GGA3: variants seen among roughly 807,000 people sequenced by gnomAD.
GGA3 encodes the protein golgi associated, gamma adaptin ear containing, ARF binding protein 3.
Under a neutral mutation model 77.5 loss-of-function variants are expected in GGA3, and 57 were observed. The observed-to-expected ratio is 0.74, with a 90% CI of 0.59 to 0.92. The LOEUF is 0.92. GGA3 is among the 40% of genes least tolerant of loss of function. The pLI, the probability that GGA3 is intolerant of heterozygous loss-of-function variation, is 0.00. For missense variants in GGA3, 970 were observed against 914.9 expected, an observed-to-expected ratio of 1.06 and a Z score of -0.78; for synonymous variants, 416 against 383.7, an observed-to-expected ratio of 1.08 and a Z score of -0.98.
Position 75,261,595 on chromosome 17 carries a change from C to A in GGA3, c.-8G>T. The stretch of plus-strand genomic sequence containing the variant: ...CCCTTCCGCCTCCGCCATATTGCAG[C>A]CGCCCGGCCCCGCGGCTTCAAAACT... On this transcript the variant is annotated 5_prime_UTR_variant, in exon 1 of 17. Coordinates refer to ENST00000537686, the MANE Select transcript of GGA3 (RefSeq NM_138619.4). 1 of 1,541,000 alleles carries A rather than the reference C, an allele frequency of 6.5e-7. No homozygotes were observed. Among genetic ancestry groups the A allele is most frequent in the South Asian group, 1.2e-5 (1 of 82,068 alleles).
chr17:75,244,689 CCA>C lies in GGA3; in HGVS notation c.228_229del (p.Cys76TrpfsTer6). On this transcript the variant is annotated frameshift_variant, in exon 4 of 17. Transcript: ENST00000537686. LOFTEE classifies it high-confidence loss of function. Reference sequence around the variant, plus strand: ...CCCCACTTCGTTATGAAATCTCCTCCCACAGTTCTTCATGCATGCCTCCAGCA... The same window carrying C: ...CCCCACTTCGTTATGAAATCTCCTCCCAGTTCTTCATGCATGCCTCCAGCA... 5 of 1,613,936 alleles carry C rather than the reference CCA, an allele frequency of 3.1e-6. No individual in the cohort carries two copies. Among genetic ancestry groups the C allele is most frequent in the Non-Finnish European group, 4.2e-6 (5 of 1,179,798 alleles).
chr17:75,259,046 C>T (rs1446924502), intron 1 of GGA3, among the ~76,000 whole-genome samples: 2 of 151,268 alleles, frequency 1.3e-5, no homozygotes, highest in Non-Finnish European at 1.5e-5. Context: ...CTCCACCTCT[C>T]GGGTTCACAC....
rs762329460 is a variant in GGA3, at chr17:75,240,934, G to C, written c.1070C>G (p.Pro357Arg). ...TPPSSGIPIL[P>R]PPPQASGPPR... The stretch of plus-strand genomic sequence containing the variant: ...AGGTCCTGAGGCCTGGGGTGGTGGA[G>C]GGAGGATTGGGATGCCTGAGGAGGG... Residue 357 changes from proline to arginine, a missense_variant, in exon 11 of 17, where the codon CCT (proline) becomes CGT (arginine). By Grantham distance (103) the Pro-to-Arg change is moderately radical (BLOSUM62 -2). Transcript: ENST00000537686. The C allele has an allele frequency of 3.7e-6, 6 of 1,613,942 alleles. No individual in the cohort carries two copies. The highest frequency in any genetic ancestry group is 1.6e-4 in the Middle Eastern group (1 of 6,062).
chr17:75,247,653 T>C (rs1399099262), intron 1 of GGA3, among the ~76,000 whole-genome samples: 3 of 152,218 alleles, frequency 2.0e-5, no homozygotes, highest in East Asian at 1.9e-4. Flanking sequence ...ATGCTCATCA[T>C]TGTCAAGCCA....
rs1300245285 is a variant in GGA3 at position 75,237,155 on chromosome 17, CGGG to C, written c.*1121_*1123del. On this transcript the variant is annotated 3_prime_UTR_variant, in exon 17 of 17. Coordinates refer to ENST00000537686, the MANE Select transcript of GGA3 (RefSeq NM_138619.4). ...AGCTAGAGTGGCTGGGACAAGCTGG[CGGG>C]GGCCAAGCACTGTTGAAGCAATAGG... 4 of 408,188 alleles carry C rather than the reference CGGG, an allele frequency of 9.8e-6. No homozygotes were observed. Among genetic ancestry groups the C allele is most frequent in the Non-Finnish European group, 1.8e-5 (4 of 225,148 alleles). 25.3% of individuals were successfully genotyped at this position (408,188 alleles called of 1,614,324 possible).
chr17:75,239,215 G>T, intron 14 of GGA3, 132 bp from the exon 15 acceptor site: 1 of 983,274 alleles, frequency 1.0e-6, no homozygotes, highest in Non-Finnish European at 1.5e-6. Flanking sequence ...TGGGAGAGGC[G>T]CTCAGTGAGG....
rs146614755 is a variant in GGA3 at position 75,257,903 on chromosome 17, C to G, written c.40+3645G>C. Among the ~76,000 whole-genome samples the G allele has an allele frequency of 9.3e-3, 1,418 of 152,254 alleles. 13 individuals are homozygous for G. Among genetic ancestry groups the G allele is most frequent in the Non-Finnish European group, 0.016 (1,118 of 68,016 alleles). On this transcript the variant is annotated intron_variant, in intron 1 of 16. Coordinates refer to ENST00000537686, the MANE Select transcript of GGA3 (RefSeq NM_138619.4). ...GCCATCGCATCCCCTATGACTTGCA[C>G]GTACACATCCAGATGGCCTGACGTA...
rs970942667 is a variant in GGA3, at chr17:75,237,374, G to A, written c.*905C>T. 1 of 999,532 alleles carries A rather than the reference G, an allele frequency of 1.0e-6. No homozygotes were observed. The highest frequency in any genetic ancestry group is 1.5e-6 in the Non-Finnish European group (1 of 657,714). 61.9% of individuals were successfully genotyped at this position (999,532 alleles called of 1,614,324 possible). The stretch of plus-strand genomic sequence containing the variant: ...ACAGGTGCCACACCACATGCCATCT[G>A]GTGAGAGGAGAGGGAGGCCAAAGCA... On this transcript the variant is annotated 3_prime_UTR_variant, in exon 17 of 17. Transcript: ENST00000537686.
chr17:75,255,143 T>A (rs1049789033), intron 1 of GGA3, among the ~76,000 whole-genome samples: 4 of 152,256 alleles, frequency 2.6e-5, no homozygotes, highest in Non-Finnish European at 4.4e-5. Context: ...CTCTTCTTAA[T>A]CAATACGGAG....
intron 1 of GGA3, among the ~76,000 whole-genome samples, chr17:75,248,247 G>A (rs2076822727): frequency 6.6e-6 from 1 of 151,712 alleles, no homozygotes; most frequent in Admixed American, 6.6e-5. Flanking sequence ...CGAGGCGGGC[G>A]GATCACGAGG....
At chr17:75,238,615 G>A (rs778209068) in intron 16 of GGA3, 37 bp downstream of exon 16, 1 of 1,425,120 alleles carries the variant, frequency 7.0e-7, no homozygotes, top group South Asian at 1.2e-5. Flanking sequence ...GGCAGCTGGG[G>A]CCTCAGGCTG....
chr17:75,255,086 C>G (rs1374990915), intron 1 of GGA3, among the ~76,000 whole-genome samples: 1 of 152,200 alleles, frequency 6.6e-6, no homozygotes, highest in Non-Finnish European at 1.5e-5. Flanking sequence ...TAGACCATCA[C>G]AGATGCCGAG....
chr17:75,237,229 A>G lies in GGA3; in HGVS notation c.*1050T>C. The G allele has an allele frequency of 1.7e-6, 1 of 593,740 alleles. No individual in the cohort carries two copies. Among genetic ancestry groups the G allele is most frequent in the Admixed American group, 2.9e-5 (1 of 34,300 alleles). 36.8% of individuals were successfully genotyped at this position (593,740 alleles called of 1,614,324 possible). On this transcript the variant is annotated 3_prime_UTR_variant, in exon 17 of 17. Coordinates refer to ENST00000537686, the MANE Select transcript of GGA3 (RefSeq NM_138619.4). ...TGTGGCCCGATCTCATCACCTCCAG[A>G]CCCAACATCTCGCTGACAGTGCCCC...
rs538969218 is a variant in GGA3, at chr17:75,260,354, G to A, written c.40+1194C>T. ...TTGTGAAATTATGGCAGTAGTGCCT[G>A]CTTTGCTAGAATACTTGGTAAACTA... On this transcript the variant is annotated intron_variant, in intron 1 of 16. Transcript: ENST00000537686. Among the ~76,000 whole-genome samples, 176 of 152,318 alleles carry A rather than the reference G, an allele frequency of 1.2e-3. 1 individual carries two copies. The highest frequency in any genetic ancestry group is 2.1e-3 in the Non-Finnish European group (142 of 68,024).
Position 75,244,601 on chromosome 17 carries a change from A to C in GGA3, c.300+18T>G. 2 of 1,516,824 alleles carry C rather than the reference A, an allele frequency of 1.3e-6. No individual in the cohort carries two copies. The highest frequency in any genetic ancestry group is 1.8e-6 in the Non-Finnish European group (2 of 1,091,246). 94.0% of individuals were successfully genotyped at this position (1,516,824 alleles called of 1,614,324 possible). A position where few individuals can be genotyped will look rare whatever the true frequency, so the allele number is the denominator to read the frequency against. On this transcript the variant is annotated intron_variant, in intron 4 of 16. Coordinates refer to ENST00000537686, the MANE Select transcript of GGA3 (RefSeq NM_138619.4). Reference sequence around the variant, plus strand: ...ACAAAAGAAGTCCCTAAAAGCGAGGAATCTGCCGCTGACTGACCTTTGGAG... The same window carrying C: ...ACAAAAGAAGTCCCTAAAAGCGAGGCATCTGCCGCTGACTGACCTTTGGAG...
intron 8 of GGA3, 74 bp downstream of exon 8, chr17:75,242,262 C>A (rs1231502232): frequency 6.5e-7 from 1 of 1,528,822 alleles, no homozygotes; most frequent in Non-Finnish European, 9.0e-7. Flanking sequence ...AAGGCACGTG[C>A]TCAGCAAATG....
intron 12 of GGA3, 44 bp from the exon 13 acceptor site, chr17:75,240,152 G>GCC: frequency 7.6e-7 from 1 of 1,312,430 alleles, no homozygotes; most frequent in Non-Finnish European, 1.1e-6. Flanking sequence ...CGGGTGGGGA[G>GCC]GGCCTGCCGC....
chr17:75,261,726 G>A (rs2077392506), upstream of GGA3: 2 of 1,139,362 alleles, frequency 1.8e-6, no homozygotes, highest in Non-Finnish European at 2.5e-6. Context: ...ATACAGGGAG[G>A]GCAAGGGTTT....
In GGA3 at chr17:75,241,342, T is replaced by A. The variant is rs200305357; in HGVS notation, c.946+58A>T. On this transcript the variant is annotated intron_variant, in intron 10 of 16. Coordinates refer to ENST00000537686, the MANE Select transcript of GGA3 (RefSeq NM_138619.4). ...TGGCCAGCCTACACCCGCAGCTTCA[T>A]GATAGGGGCCTGAGGCTGGTCTGGA... 551 of 1,118,702 alleles carry A rather than the reference T, an allele frequency of 4.9e-4. 1 individual carries two copies. The highest frequency in any genetic ancestry group is 7.0e-4 in the Non-Finnish European group (512 of 732,498). 69.3% of individuals were successfully genotyped at this position (1,118,702 alleles called of 1,614,324 possible).
Sources: gnomAD v4.1 joint callset for allele counts (sites outside exome capture counted in the v4.1 genomes callset) on GRCh38, gnomAD v4.1.1 for gene constraint, MANE v1.5 for transcripts, NCBI Gene and HGNC (gene_info 2026-07-23, HGNC 2026-07-21) for gene names.